LIMS1: variants seen among roughly 807,000 people sequenced by gnomAD.
LIMS1 encodes LIM zinc finger domain containing 1.
A neutral mutation model predicts 44.1 loss-of-function variants in LIMS1; 18 were observed. The observed-to-expected ratio is 0.41, with a 90% CI of 0.28 to 0.61. LIMS1 has a LOEUF of 0.61. Among genes scored for constraint, LIMS1 ranks in the 20% least tolerant of loss-of-function variants. The pLI is 0.32. For missense variants in LIMS1, 201 were observed against 422.0 expected (o/e 0.48, Z 4.59); for synonymous variants, 93 against 149.1 (o/e 0.62, Z 2.74).
chr2:108,629,677 A>G (rs946438138), intron 1 of LIMS1, among the ~76,000 whole-genome samples: 6 of 152,352 alleles, frequency 3.9e-5, no homozygotes, highest in African/African-American at 1.4e-4. Flanking sequence ...TCCAAATATA[A>G]AAAGAAAGGC....
intron 1 of LIMS1, among the ~76,000 whole-genome samples, chr2:108,556,693 A>G (rs540545335): frequency 2.2e-4 from 33 of 152,230 alleles, no homozygotes; most frequent in Non-Finnish European, 4.3e-4. Flanking sequence ...ACTGGAGGCT[A>G]TATGAGTAAA....
intron 2 of LIMS1, chr2:108,660,219 C>G: frequency 2.1e-6 from 1 of 474,454 alleles, no homozygotes. Context: ...ACTTCCCAGC[C>G]TCGAGCCAGG....
intron 1 of LIMS1, among the ~76,000 whole-genome samples, chr2:108,558,860 G>A (rs551779774): frequency 4.0e-5 from 6 of 151,686 alleles, no homozygotes; most frequent in Admixed American, 2.0e-4. Flanking sequence ...TGGTAGAGAC[G>A]GGGTTTCACC....
chr2:108,581,032 G>A (rs560630499), intron 1 of LIMS1, among the ~76,000 whole-genome samples: 13 of 152,252 alleles, frequency 8.5e-5, no homozygotes, highest in African/African-American at 2.4e-4. Flanking sequence ...TCTTCTCACC[G>A]TATTGCCATG....
chr2:108,539,385 A>T (rs548499381), intron 1 of LIMS1, among the ~76,000 whole-genome samples: 1 of 152,288 alleles, frequency 6.6e-6, no homozygotes, highest in South Asian at 2.1e-4. Flanking sequence ...GCACCCAGCT[A>T]CCAGAGTTTT....
intron 1 of LIMS1, among the ~76,000 whole-genome samples, chr2:108,577,461 C>T (rs1168913566): frequency 1.3e-5 from 2 of 152,154 alleles, no homozygotes; most frequent in Non-Finnish European, 2.9e-5. Flanking sequence ...TTATGTGCCC[C>T]GTACCTATAG....
At chr2:108,593,562 T>C (rs901199303) in intron 1 of LIMS1, among the ~76,000 whole-genome samples, 1 of 152,168 alleles carries the variant, frequency 6.6e-6, no homozygotes, top group African/African-American at 2.4e-5. Flanking sequence ...TAAACTTTAA[T>C]TTAAGCCAGA....
At chr2:108,584,656 G>A (rs1290227103) in intron 1 of LIMS1, among the ~76,000 whole-genome samples, 3 of 152,136 alleles carry the variant, frequency 2.0e-5, no homozygotes, top group Non-Finnish European at 4.4e-5. Context: ...GATCCAGGCA[G>A]GAGAGTCGAC....
chr2:108,546,140 C>T (rs567637220), intron 1 of LIMS1, among the ~76,000 whole-genome samples: 12 of 152,214 alleles, frequency 7.9e-5, no homozygotes, highest in African/African-American at 2.6e-4. Flanking sequence ...TCCAAAAGTA[C>T]ATTGTCTGTG....
chr2:108,663,428 C>G (rs1217078182), intron 2 of LIMS1, among the ~76,000 whole-genome samples: 1 of 152,172 alleles, frequency 6.6e-6, no homozygotes, highest in Non-Finnish European at 1.5e-5. Context: ...TATAGTGGTT[C>G]CTAAATCTTT....
At chr2:108,620,102 G>A (rs1324264967) in intron 1 of LIMS1, among the ~76,000 whole-genome samples, 8 of 152,296 alleles carry the variant, frequency 5.3e-5, no homozygotes, top group East Asian at 3.9e-4. Context: ...TGGACCTAGC[G>A]TAACAAATGG....
chr2:108,607,471 A>C (rs1687335172), intron 1 of LIMS1, among the ~76,000 whole-genome samples: 1 of 152,236 alleles, frequency 6.6e-6, no homozygotes, highest in Non-Finnish European at 1.5e-5. Context: ...GGATATAACC[A>C]GAAAAGAGGT....
intron 1 of LIMS1, among the ~76,000 whole-genome samples, chr2:108,576,171 G>A (rs1344553138): frequency 6.6e-6 from 1 of 152,208 alleles, no homozygotes; most frequent in East Asian, 1.9e-4. Context: ...CACCTTGACT[G>A]AACGAGAGCT....
At chr2:108,636,283 C>T (rs1380659706) in intron 1 of LIMS1, among the ~76,000 whole-genome samples, 4 of 152,162 alleles carry the variant, frequency 2.6e-5, no homozygotes, top group South Asian at 4.1e-4. Flanking sequence ...GTTCCCTCAC[C>T]CAAGGTACCC....
chr2:108,586,882 C>T (rs143443863), intron 1 of LIMS1, among the ~76,000 whole-genome samples: 5 of 152,152 alleles, frequency 3.3e-5, no homozygotes, highest in Non-Finnish European at 7.4e-5. Flanking sequence ...GCTTCCCACT[C>T]GAAAGCAGCC....
chr2:108,679,224 A>T (rs958658411), intron 8 of LIMS1, among the ~76,000 whole-genome samples: 1 of 151,896 alleles, frequency 6.6e-6, no homozygotes, highest in Non-Finnish European at 1.5e-5. Context: ...CACGCCTGTG[A>T]TCCCAACACT....
chr2:108,634,825 C>T (rs907612243), intron 1 of LIMS1, among the ~76,000 whole-genome samples: 5 of 152,224 alleles, frequency 3.3e-5, no homozygotes, highest in African/African-American at 7.2e-5. Flanking sequence ...CAGAGCACAG[C>T]GACTGCCCAA....
chr2:108,674,172 C>CA (rs1405423498), intron 5 of LIMS1, among the ~76,000 whole-genome samples: 3 of 147,210 alleles, frequency 2.0e-5, no homozygotes, highest in African/African-American at 7.5e-5. Flanking sequence ...CTAAAAAATA[C>CA]AAAAAAAATT....
At chr2:108,571,557 A>G (rs1242105469) in intron 1 of LIMS1, among the ~76,000 whole-genome samples, 3 of 152,202 alleles carry the variant, frequency 2.0e-5, no homozygotes, top group Non-Finnish European at 4.4e-5. Flanking sequence ...TTACTCATCT[A>G]AGGTGGGACA....
Sources: gnomAD v4.1 joint callset for allele counts (sites outside exome capture counted in the v4.1 genomes callset) on GRCh38, gnomAD v4.1.1 for gene constraint, MANE v1.5 for transcripts, NCBI Gene and HGNC (gene_info 2026-07-23, HGNC 2026-07-21) for gene names.